Variants in PARD3B observed in about 807,000 individuals in gnomAD.
PARD3B encodes the protein par-3 family cell polarity regulator beta.
Under a neutral mutation model 130.2 loss-of-function variants are expected in PARD3B, and 103 were observed. That is an observed-to-expected ratio of 0.79 (90% CI 0.67 to 0.93). PARD3B has a LOEUF of 0.93. Among genes scored for constraint, PARD3B ranks in the 40% least tolerant of loss-of-function variants. PARD3B has a pLI of 0.00. For missense variants in PARD3B, 1,609 were observed against 1,499.2 expected (o/e 1.07, Z -1.21); for synonymous variants, 583 against 553.2 (o/e 1.05, Z -0.76).
intron 1 of PARD3B, among the ~76,000 whole-genome samples, chr2:204,588,479 C>T (rs1361608596): frequency 6.6e-6 from 1 of 152,104 alleles, no homozygotes; most frequent in African/African-American, 2.4e-5. Flanking sequence ...AAACTATTCC[C>T]CCCACTTTGA....
At chr2:204,648,093 T>G (rs1309073726) in intron 1 of PARD3B, among the ~76,000 whole-genome samples, 1 of 151,742 alleles carries the variant, frequency 6.6e-6, no homozygotes, top group African/African-American at 2.4e-5. Flanking sequence ...TCAAAGGAGT[T>G]ATTTTTGAGG....
At chr2:205,491,355 TA>T (rs1175174822) in intron 20 of PARD3B, among the ~76,000 whole-genome samples, 3 of 152,244 alleles carry the variant, frequency 2.0e-5, no homozygotes, top group Admixed American at 6.5e-5. Context: ...CACCATTTAT[TA>T]AATAGGGAAT....
intron 2 of PARD3B, among the ~76,000 whole-genome samples, chr2:204,745,988 T>C (rs937578753): frequency 2.0e-5 from 3 of 151,876 alleles, no homozygotes; most frequent in Admixed American, 6.6e-5. Context: ...TTTTCTTTTT[T>C]TTTTTATTAT....
At chr2:205,317,348 G>A (rs531917151) in intron 18 of PARD3B, among the ~76,000 whole-genome samples, 1 of 152,198 alleles carries the variant, frequency 6.6e-6, no homozygotes, top group Non-Finnish European at 1.5e-5. Context: ...TTACAGGGTA[G>A]ATATGTCTAT....
rs1259089488 is a variant in PARD3B, at chr2:205,461,995, T to A, written c.3044+21323T>A. Among the ~76,000 whole-genome samples, 1 of 152,248 alleles carries A rather than the reference T, an allele frequency of 6.6e-6. No individual in the cohort carries two copies. The highest frequency in any genetic ancestry group is 1.5e-5 in the Non-Finnish European group (1 of 68,034). ...TGGCCTAATGGAATGGACTTCTTTG[T>A]AAGCATGACTTACCTTATACATCTG... is the stretch of plus-strand genomic sequence containing the variant. On this transcript the variant is annotated intron_variant, in intron 20 of 22. Transcript: ENST00000406610. This position sits in a 1 kb window ranked among gnomAD's most constrained non-coding sequence, Gnocchi z 4.3.
chr2:205,180,861 A>G (rs1481066998), intron 13 of PARD3B, among the ~76,000 whole-genome samples: 1 of 152,150 alleles, frequency 6.6e-6, no homozygotes, highest in Admixed American at 6.5e-5. Context: ...GGTAATAGGG[A>G]TGGAGGCTGT....
At chr2:204,668,893 A>C (rs1310595334) in intron 1 of PARD3B, among the ~76,000 whole-genome samples, 1 of 152,150 alleles carries the variant, frequency 6.6e-6, no homozygotes, top group East Asian at 1.9e-4. Flanking sequence ...TTTGTGGAAG[A>C]GGGAAGCAGG....
chr2:204,857,929 CT>C (rs1217393512), intron 2 of PARD3B, among the ~76,000 whole-genome samples: 21 of 152,278 alleles, frequency 1.4e-4, no homozygotes, highest in Middle Eastern at 3.4e-3. Flanking sequence ...CAAACATATC[CT>C]TCTACAGATC....
At chr2:204,928,689 A>AT (rs1439652081) in intron 2 of PARD3B, among the ~76,000 whole-genome samples, 1 of 152,054 alleles carries the variant, frequency 6.6e-6, no homozygotes, top group Non-Finnish European at 1.5e-5. Context: ...GGAGAAAAAA[A>AT]CAGAACTTTA....
At chr2:204,608,523 C>G (rs2033812147) in intron 1 of PARD3B, among the ~76,000 whole-genome samples, 1 of 152,172 alleles carries the variant, frequency 6.6e-6, no homozygotes, top group Non-Finnish European at 1.5e-5. Flanking sequence ...CTTATTTTCT[C>G]AGTGCTATGC....
At chr2:205,574,638 T>TG (rs1023702263) in intron 22 of PARD3B, among the ~76,000 whole-genome samples, 9 of 151,536 alleles carry the variant, frequency 5.9e-5, no homozygotes, top group South Asian at 4.2e-4. Flanking sequence ...AGCACTCCAG[T>TG]GGGGGGGCAA....
chr2:204,958,725 A>ATAT (rs1192932010), intron 2 of PARD3B, among the ~76,000 whole-genome samples: 3 of 152,104 alleles, frequency 2.0e-5, no homozygotes, highest in East Asian at 1.9e-4. Context: ...CATGTTAGGG[A>ATAT]TATTATCAAG....
chr2:204,883,394 G>GTA (rs1169715158), intron 2 of PARD3B, among the ~76,000 whole-genome samples: 5 of 98,788 alleles, frequency 5.1e-5, no homozygotes, highest in South Asian at 2.9e-4. Flanking sequence ...TTATGTGTAT[G>GTA]TATATATATA....
At chr2:205,134,660 C>A (rs1024225663) in intron 10 of PARD3B, among the ~76,000 whole-genome samples, 7 of 152,144 alleles carry the variant, frequency 4.6e-5, no homozygotes, top group African/African-American at 1.7e-4. Flanking sequence ...TGCTCAATAG[C>A]CCACAAGGCC....
intron 21 of PARD3B, among the ~76,000 whole-genome samples, chr2:205,546,006 A>G (rs940674254): frequency 1.3e-5 from 2 of 152,184 alleles, no homozygotes; most frequent in Admixed American, 1.3e-4. Context: ...TTGCTTTTGT[A>G]AAGAAAAGAC....
intron 3 of PARD3B, among the ~76,000 whole-genome samples, chr2:205,019,813 T>C (rs1451839710): frequency 6.6e-6 from 1 of 152,120 alleles, no homozygotes; most frequent in East Asian, 1.9e-4. Context: ...GAAAAAGATA[T>C]TAGGGATGGA....
At chr2:204,737,403 T>C (rs2039806834) in intron 2 of PARD3B, among the ~76,000 whole-genome samples, 4 of 152,336 alleles carry the variant, frequency 2.6e-5, no homozygotes, top group Admixed American at 2.6e-4. Flanking sequence ...GAGAAATGTC[T>C]ATGTCTTTTG....
Position 205,067,095 on chromosome 2 carries a change from C to CTTTTTTTTTTTTTTT in PARD3B, c.504+19420_504+19434dup, listed in dbSNP as rs10672449. Among the ~76,000 whole-genome samples the CTTTTTTTTTTTTTTT allele has an allele frequency of 4.4e-3, 260 of 59,684 alleles. 43 individuals carry two copies. Among genetic ancestry groups the CTTTTTTTTTTTTTTT allele is most frequent in the Non-Finnish European group, 5.8e-3 (185 of 32,112 alleles). 39.2% of individuals were successfully genotyped at this position (59,684 alleles called of 152,430 possible). ...GCATCTTGCATCCACTTTTACTAGG[C>CTTTTTTTTTTTTTTT]TTTTTTTTTTTTTTTTTTTTTTTTT... On this transcript the variant is annotated intron_variant, in intron 4 of 22. Coordinates refer to ENST00000406610, the MANE Select transcript of PARD3B (RefSeq NM_001302769.2).
chr2:205,140,478 G>GAAA (rs2032859337), intron 10 of PARD3B, among the ~76,000 whole-genome samples: 1 of 130,398 alleles, frequency 7.7e-6, no homozygotes, highest in African/African-American at 2.8e-5. Flanking sequence ...AAAAAAGGAA[G>GAAA]ACCGTTCCTT....
Sources: gnomAD v4.1 joint callset for allele counts (sites outside exome capture counted in the v4.1 genomes callset) on GRCh38, gnomAD v4.1.1 for gene constraint, Gnocchi (gnomAD v3.1) non-coding constraint, MANE v1.5 for transcripts, NCBI Gene and HGNC (gene_info 2026-07-23, HGNC 2026-07-21) for gene names.